The following HNF4A variants were observed in gnomAD, a reference collection of about 807,000 sequenced individuals.
The protein encoded by HNF4A is hepatocyte nuclear factor 4-alpha.
Under a neutral mutation model 52.4 loss-of-function variants are expected in HNF4A, and 15 were observed. The ratio of observed to expected loss-of-function variants is 0.29; its 90% CI spans 0.19 to 0.44. The LOEUF (loss-of-function observed/expected upper bound fraction) is 0.44, where lower values mean the gene tolerates loss of function less well. Among genes scored for constraint, HNF4A ranks in the 20% least tolerant of loss-of-function variants. HNF4A has a pLI of 1.00. For synonymous variants in HNF4A, 280 were observed against 264.4 expected (o/e 1.06, Z -0.57); for missense variants, 479 against 647.2 (o/e 0.74, Z 2.82).
At chr20:44,425,240 C>T (rs1417308189) in intron 8 of HNF4A, among the ~76,000 whole-genome samples, 1 of 152,226 alleles carries the variant, frequency 6.6e-6, no homozygotes, top group African/African-American at 2.4e-5. Context: ...ACCTCAGTCT[C>T]CCAAAGTGCT....
At chr20:44,424,758 C>A in intron 8 of HNF4A, 1 of 359,586 alleles carries the variant, frequency 2.8e-6, no homozygotes. Flanking sequence ...GCTTAAAAGA[C>A]AAGAGAGGAA....
At chr20:44,393,925 C>T (rs1384139953) in intron 1 of HNF4A, among the ~76,000 whole-genome samples, 1 of 151,988 alleles carries the variant, frequency 6.6e-6, no homozygotes, top group East Asian at 1.9e-4. Context: ...CTATGTTGCC[C>T]AGGCTGGTCT....
At chr20:44,409,397 T>G (rs2063549323) in intron 3 of HNF4A, among the ~76,000 whole-genome samples, 1 of 152,224 alleles carries the variant, frequency 6.6e-6, no homozygotes, top group Non-Finnish European at 1.5e-5. Flanking sequence ...GGTTCCAACA[T>G]TTCTGTGGTT....
At chr20:44,419,944 T>G in intron 7 of HNF4A, 68 bp downstream of exon 7, 1 of 1,506,992 alleles carries the variant, frequency 6.6e-7, no homozygotes, top group South Asian at 1.1e-5. Flanking sequence ...CTTCTCCTAT[T>G]GGGTTCTGTA....
intron 1 of HNF4A, among the ~76,000 whole-genome samples, chr20:44,368,449 G>T (rs1375565955): frequency 6.6e-6 from 1 of 151,764 alleles, no homozygotes; most frequent in Non-Finnish European, 1.5e-5. Context: ...TTATAAGTGT[G>T]AGCCACCAGG....
chr20:44,404,604 TTGTA>T (rs1414852820), intron 1 of HNF4A, among the ~76,000 whole-genome samples: 2 of 149,980 alleles, frequency 1.3e-5, no homozygotes, highest in Non-Finnish European at 3.0e-5. Flanking sequence ...GTTGATGTGT[TTGTA>T]TGTATGCATG....
chr20:44,390,107 A>G (rs549627821), intron 1 of HNF4A, among the ~76,000 whole-genome samples: 1 of 152,272 alleles, frequency 6.6e-6, no homozygotes, highest in East Asian at 1.9e-4. Flanking sequence ...GGCTAAGTTT[A>G]CAGTCGTGGA....
In HNF4A at chr20:44,401,495, G is replaced by A. The variant is rs369478495; in HGVS notation, c.115+8G>A. The A allele has an allele frequency of 4.1e-5, 66 of 1,614,200 alleles. No individual in the cohort carries two copies. In the African/African-American group the frequency reaches 8.7e-4, roughly 21 times the overall value. ...TGTTGACGATGGGCAATGGTAGGTG[G>A]GGGCAGATGTGCCCAGGTGTGCCAG... On this transcript the variant is annotated splice_region_variant and intron_variant, in intron 1 of 9. Transcript: ENST00000316099.
intron 1 of HNF4A, among the ~76,000 whole-genome samples, chr20:44,403,004 G>A (rs6031586): frequency 0.027 from 4,173 of 152,320 alleles, 198 homozygotes; most frequent in African/African-American, 0.093. Flanking sequence ...CTGCTGGCTG[G>A]ACGGCTTTTA....
At chr20:44,358,773 G>A (rs2062886983) in intron 1 of HNF4A, among the ~76,000 whole-genome samples, 1 of 152,198 alleles carries the variant, frequency 6.6e-6, no homozygotes, top group African/African-American at 2.4e-5. Flanking sequence ...AGAGGCAGAG[G>A]AAGACATGGC....
chr20:44,428,566 G>A, intron 9 of HNF4A, 79 bp downstream of exon 9: 1 of 1,416,112 alleles, frequency 7.1e-7, no homozygotes, highest in Non-Finnish European at 9.8e-7. Flanking sequence ...GTGGAGTCTA[G>A]AAGGTAGAAC....
At chr20:44,376,312 C>T (rs1568696067) in intron 1 of HNF4A, among the ~76,000 whole-genome samples, 1 of 152,048 alleles carries the variant, frequency 6.6e-6, no homozygotes, top group African/African-American at 2.4e-5. Context: ...TCCACGGTTG[C>T]TTGTCATTGT....
At chr20:44,411,053 C>T (rs972675190) in intron 3 of HNF4A, among the ~76,000 whole-genome samples, 3 of 152,152 alleles carry the variant, frequency 2.0e-5, no homozygotes, top group African/African-American at 7.2e-5. Flanking sequence ...TTCCTGCAAC[C>T]GAAAGCCAGG....
intron 7 of HNF4A, 106 bp downstream of exon 7, chr20:44,419,982 T>C: frequency 2.5e-6 from 3 of 1,197,848 alleles, no homozygotes; most frequent in Non-Finnish European, 3.7e-6. Flanking sequence ...CATCTCATGT[T>C]AACGACAGCC....
upstream of HNF4A, among the ~76,000 whole-genome samples, chr20:44,398,506 G>A (rs939980652): frequency 1.2e-4 from 19 of 152,312 alleles, no homozygotes; most frequent in Non-Finnish European, 2.4e-4. Flanking sequence ...ATTTATATGA[G>A]GAATGTGTAT....
At chr20:44,412,933 C>G (rs1191113508) in intron 3 of HNF4A, among the ~76,000 whole-genome samples, 1 of 152,194 alleles carries the variant, frequency 6.6e-6, no homozygotes, top group Admixed American at 6.5e-5. Flanking sequence ...GAAGCCGGGT[C>G]TGGTGCAGCT....
At chr20:44,424,361 C>T (rs2063790057) in intron 8 of HNF4A, 107 bp downstream of exon 8, 1 of 1,545,544 alleles carries the variant, frequency 6.5e-7, no homozygotes, top group African/African-American at 1.4e-5. Flanking sequence ...CACTGTGCCG[C>T]TTTGGGCAAG....
At chr20:44,407,641 C>T (rs950678575) in intron 3 of HNF4A, among the ~76,000 whole-genome samples, 166 bp downstream of exon 3, 7 of 152,188 alleles carry the variant, frequency 4.6e-5, no homozygotes, top group African/African-American at 1.2e-4. Context: ...CCATAGGGAG[C>T]GGCTGGGCTT....
chr20:44,380,329 C>G (rs2063138850), intron 1 of HNF4A, among the ~76,000 whole-genome samples: 1 of 152,230 alleles, frequency 6.6e-6, no homozygotes, highest in Non-Finnish European at 1.5e-5. Context: ...AGGTCTTGCT[C>G]TGTCACCCAG....
Sources: gnomAD v4.1 joint callset for allele counts (sites outside exome capture counted in the v4.1 genomes callset) on GRCh38, gnomAD v4.1.1 for gene constraint, MANE v1.5 for transcripts, NCBI Gene and HGNC (gene_info 2026-07-23, HGNC 2026-07-21) for gene names.